Variants in NTRK3 observed in about 807,000 individuals in gnomAD.
NTRK3 encodes NT-3 growth factor receptor.
A neutral mutation model predicts 91.7 loss-of-function variants in NTRK3; 24 were observed. The ratio of observed to expected loss-of-function variants is 0.26; its 90% CI spans 0.19 to 0.37. The LOEUF (loss-of-function observed/expected upper bound fraction) is 0.37, where lower values mean the gene tolerates loss of function less well. Ranked by LOEUF, NTRK3 falls within the 10% of genes least tolerant of loss-of-function variation. The probability of loss-of-function intolerance (pLI) is 1.00; values close to 1 mark genes in which losing one functional copy is unlikely to be tolerated. For synonymous variants in NTRK3, 483 were observed against 404.0 expected, an observed-to-expected ratio of 1.20 and a Z score of -2.34; for missense variants, 880 against 1,068.9, an observed-to-expected ratio of 0.82 and a Z score of 2.46.
intron 3 of NTRK3, among the ~76,000 whole-genome samples, chr15:88,212,472 T>G (rs1276107700): frequency 6.6e-6 from 1 of 152,190 alleles, no homozygotes; most frequent in Non-Finnish European, 1.5e-5. Context: ...ATGCTGGTGG[T>G]CAAAGTGATG....
intron 14 of NTRK3, among the ~76,000 whole-genome samples, chr15:87,952,928 G>A (rs557266124): frequency 5.3e-5 from 8 of 152,182 alleles, no homozygotes; most frequent in Admixed American, 2.0e-4. Context: ...GGAGGCCAGG[G>A]CCTGCGAGTC....
intron 17 of NTRK3, among the ~76,000 whole-genome samples, chr15:87,881,807 T>C (rs2065271770): frequency 6.6e-6 from 1 of 152,160 alleles, no homozygotes; most frequent in African/African-American, 2.4e-5. Flanking sequence ...GGCAATCTTG[T>C]TTCCAAAAAG....
chr15:87,921,806 G>C (rs1324739420), intron 17 of NTRK3, among the ~76,000 whole-genome samples: 2 of 151,848 alleles, frequency 1.3e-5, no homozygotes, highest in Non-Finnish European at 2.9e-5. Flanking sequence ...GCAGAGCAAA[G>C]TCTGCAATAT....
intron 3 of NTRK3, among the ~76,000 whole-genome samples, chr15:88,210,496 G>C (rs1359808115): frequency 6.6e-6 from 1 of 152,196 alleles, no homozygotes; most frequent in African/African-American, 2.4e-5. Context: ...TTGGTTTCTT[G>C]CCTTTGCACC....
At chr15:87,963,873 A>G (rs2072538854) in intron 14 of NTRK3, among the ~76,000 whole-genome samples, 1 of 152,348 alleles carries the variant, frequency 6.6e-6, no homozygotes, top group African/African-American at 2.4e-5. Context: ...TTATGTTAAT[A>G]TTATATTTAG....
chr15:88,094,683 G>T, intron 13 of NTRK3, among the ~76,000 whole-genome samples: 1 of 152,048 alleles, frequency 6.6e-6, no homozygotes, highest in Admixed American at 6.5e-5. Context: ...GCCATGCACA[G>T]ATTTGCAAGC....
chr15:87,938,726 A>C (rs1162854091), intron 15 of NTRK3, among the ~76,000 whole-genome samples: 1 of 152,182 alleles, frequency 6.6e-6, no homozygotes, highest in Non-Finnish European at 1.5e-5. Flanking sequence ...TGGATGCCGG[A>C]ACACCCCGTG....
intron 17 of NTRK3, among the ~76,000 whole-genome samples, chr15:87,890,889 C>G (rs1404213387): frequency 2.0e-5 from 3 of 152,186 alleles, no homozygotes; most frequent in African/African-American, 7.2e-5. Flanking sequence ...CTCATCTCTA[C>G]TGGGGTGGTT....
intron 3 of NTRK3, chr15:88,252,404 G>A (rs2053499841): frequency 6.6e-6 from 1 of 152,162 alleles, no homozygotes; most frequent in South Asian, 2.1e-4. Context: ...GAAGGGACCA[G>A]AGAGCTGCCA....
At position 88,137,571 on chromosome 15, in the gene NTRK3, AAG is replaced by A. The variant is rs758410848; in HGVS notation, c.465-12_465-11del. ...GTTCTGCTCCAACTGCCTGTCGGCAAAGAGAGAGGGGAAGGGAACCTCTGAAC... is the reference window on the plus strand; with the variant it reads ...GTTCTGCTCCAACTGCCTGTCGGCAAAGAGAGGGGAAGGGAACCTCTGAAC... On this transcript the variant is annotated splice_polypyrimidine_tract_variant and intron_variant, in intron 6 of 18. Transcript: ENST00000394480. 8.1e-6 allele frequency: 13 copies of A among 1,613,320 alleles called. No individual in the cohort carries two copies. The Admixed American group carries it at 1.8e-4, about 23-fold the overall frequency.
At chr15:88,238,742 G>C (rs975742450) in intron 3 of NTRK3, among the ~76,000 whole-genome samples, 1 of 152,230 alleles carries the variant, frequency 6.6e-6, no homozygotes, top group Admixed American at 6.5e-5. Context: ...TGAAACTGCT[G>C]TACAGGATTT....
At chr15:87,860,740 CTTTGGG>C (rs2141368191) in exon 19 of NTRK3, 1 of 210,428 alleles carries the variant, frequency 4.8e-6, no homozygotes, top group Non-Finnish European at 9.7e-6. Flanking sequence ...AAGTTATCAA[CTTTGGG>C]ATCCAAATGA....
chr15:88,035,581 G>T (rs1019866265), intron 13 of NTRK3, among the ~76,000 whole-genome samples: 1 of 152,220 alleles, frequency 6.6e-6, no homozygotes, highest in African/African-American at 2.4e-5. Flanking sequence ...AAACCTGCCA[G>T]TTGGCAAGCC....
chr15:88,119,742 A>G (rs1567454141), intron 13 of NTRK3, among the ~76,000 whole-genome samples: 1 of 152,246 alleles, frequency 6.6e-6, no homozygotes, highest in Non-Finnish European at 1.5e-5. Context: ...TTGGGAAGCC[A>G]GGAAACCCAA....
intron 13 of NTRK3, among the ~76,000 whole-genome samples, chr15:88,109,303 G>A (rs2051065945): frequency 6.6e-6 from 1 of 152,170 alleles, no homozygotes; most frequent in Non-Finnish European, 1.5e-5. Context: ...CACCAAAGGA[G>A]CACTCTGCAG....
chr15:88,007,508 T>C (rs767666601), intron 14 of NTRK3, among the ~76,000 whole-genome samples: 44 of 152,078 alleles, frequency 2.9e-4, no homozygotes, highest in Non-Finnish European at 6.0e-4. Context: ...AGAAAAACGA[T>C]CTGAAATTGG....
At chr15:87,947,451 A>T (rs1314674178) in intron 14 of NTRK3, among the ~76,000 whole-genome samples, 1 of 152,152 alleles carries the variant, frequency 6.6e-6, no homozygotes, top group Non-Finnish European at 1.5e-5. Context: ...GTAAAGAGAG[A>T]GTGTGTCACT....
chr15:88,008,508 G>C (rs976661368), intron 14 of NTRK3, among the ~76,000 whole-genome samples: 1 of 152,028 alleles, frequency 6.6e-6, no homozygotes, highest in Non-Finnish European at 1.5e-5. Flanking sequence ...CTAGGCCCTA[G>C]GACACAGTGG....
chr15:88,037,660 C>A (rs2079186100), intron 13 of NTRK3, among the ~76,000 whole-genome samples: 1 of 152,156 alleles, frequency 6.6e-6, no homozygotes, highest in Admixed American at 6.5e-5. Flanking sequence ...TGAAAATGAG[C>A]CAACGTGTTG....
Sources: gnomAD v4.1 joint callset for allele counts (sites outside exome capture counted in the v4.1 genomes callset) on GRCh38, gnomAD v4.1.1 for gene constraint, MANE v1.5 for transcripts, NCBI Gene and HGNC (gene_info 2026-07-23, HGNC 2026-07-21) for gene names.